The following SCAF11 variants were observed in gnomAD, a reference collection of about 807,000 sequenced individuals.
SCAF11 encodes SR-related CTD associated factor 11, also known as protein SCAF11.
In SCAF11, 47 loss-of-function variants were observed where a neutral mutation model predicts 140.5. The ratio of observed to expected loss-of-function variants is 0.33; its 90% CI spans 0.26 to 0.43. The LOEUF (loss-of-function observed/expected upper bound fraction) is 0.43. Ranked by LOEUF, SCAF11 falls within the 20% of genes least tolerant of loss-of-function variation. The pLI, the probability that SCAF11 is intolerant of heterozygous loss-of-function variation, is 1.00. For missense variants in SCAF11, 1,645 were observed against 1,705.1 expected (o/e 0.96, Z 0.62); for synonymous variants, 557 against 579.4 (o/e 0.96, Z 0.55).
intron 10 of SCAF11, 48 bp from the exon 11 acceptor site, chr12:45,928,907 A>C: frequency 8.3e-7 from 1 of 1,209,898 alleles, no homozygotes; most frequent in Non-Finnish European, 1.1e-6. Context: ...TGTTTTAAGA[A>C]ATAGTAATTT....
chr12:45,926,984 T>A lies in SCAF11; in HGVS notation c.2717A>T (p.Lys906Ile). 6.2e-7 allele frequency: 1 copy of A among 1,613,046 alleles called. No individual in the cohort carries two copies. Among genetic ancestry groups the A allele is most frequent in the Non-Finnish European group, 8.5e-7 (1 of 1,180,010 alleles). The stretch of plus-strand genomic sequence containing the variant: ...TCGTTCTCTGCTCTGGGACCTGGAT[T>A]TTTCTCCTGGGGAAGAATCTTTCAC... ...PRVKDSSPGE[K>I]SRSQSRERES... Residue 906 changes from lysine (K) to isoleucine (I), a missense_variant, in exon 11 of 15, where the codon AAA becomes ATA. By Grantham distance (102) the Lys-to-Ile change is moderately radical. Coordinates refer to ENST00000369367, the MANE Select transcript of SCAF11 (RefSeq NM_004719.3).
At chr12:45,991,872 G>A (rs561470381), upstream of SCAF11, 26 of 1,282,368 alleles carry the variant, frequency 2.0e-5, no homozygotes, top group African/African-American at 3.2e-4. Flanking sequence ...TCTGCTCCCC[G>A]CGCGCGGCTC....
chr12:45,965,050 TAAGAA>T (rs1003309824), intron 1 of SCAF11, among the ~76,000 whole-genome samples: 27 of 151,954 alleles, frequency 1.8e-4, no homozygotes, highest in African/African-American at 6.5e-4. Context: ...TGAGAGGTAA[TAAGAA>T]ATAAGCAGAG....
intron 1 of SCAF11, among the ~76,000 whole-genome samples, chr12:45,965,045 G>A (rs548144248): frequency 6.6e-6 from 1 of 152,158 alleles, no homozygotes; most frequent in Admixed American, 6.5e-5. Context: ...CACAGTGAGA[G>A]GTAATAAGAA....
rs1485241705 is a variant in SCAF11 at position 45,926,869 on chromosome 12, T to A, written c.2832A>T (p.Arg944Ser). 6.2e-7 allele frequency: 1 copy of A among 1,614,066 alleles called. No homozygotes were observed. Among genetic ancestry groups the A allele is most frequent in the Non-Finnish European group, 8.5e-7 (1 of 1,180,028 alleles). Residue 944 changes from arginine to serine, a missense_variant, in exon 11 of 15, where the codon AGA (arginine) becomes AGT (serine). Physicochemically the swap from Arg to Ser is moderately radical, Grantham distance 110. Around this residue, in one of 2 missense-constraint regions of SCAF11, gnomAD observed 1,582 missense variants for 1,609.2 expected, o/e 0.98. Transcript: ENST00000369367. ...ATGAACTCTTACTTTTTGTTCTACA[T>A]CTTGAGGGGGACCTAGAATGAGATC... is the stretch of plus-strand genomic sequence containing the variant. Reference protein sequence around the residue: ...RSRSHSRSPSRCRTKSKSSSF... With the variant: ...RSRSHSRSPSSCRTKSKSSSF...
chr12:45,930,330 T>C (rs917453137), intron 10 of SCAF11, among the ~76,000 whole-genome samples: 2 of 152,176 alleles, frequency 1.3e-5, no homozygotes, highest in South Asian at 2.1e-4. Flanking sequence ...CTAAACACTA[T>C]GAAAAATATG....
intron 10 of SCAF11, 70 bp downstream of exon 10, chr12:45,931,436 C>T (rs925370732): frequency 1.3e-6 from 1 of 769,526 alleles, no homozygotes; most frequent in South Asian, 3.3e-5. Flanking sequence ...ATCAAACACA[C>T]ATTTTTATGA....
chr12:45,960,896 T>A (rs1162751012), intron 3 of SCAF11: 3 of 154,916 alleles, frequency 1.9e-5, no homozygotes, highest in African/African-American at 7.2e-5. Flanking sequence ...TTATCTTCTT[T>A]ACTAATTTTT....
At chr12:45,962,742 ACTAAT>A (rs1007312827) in intron 2 of SCAF11, among the ~76,000 whole-genome samples, 3 of 152,198 alleles carry the variant, frequency 2.0e-5, no homozygotes, top group Admixed American at 6.5e-5. Flanking sequence ...AGGAAGGAAA[ACTAAT>A]CCTGATAGAC....
At chr12:45,926,104 A>G in intron 11 of SCAF11, 38 bp downstream of exon 11, 1 of 1,524,482 alleles carries the variant, frequency 6.6e-7, no homozygotes, top group South Asian at 1.3e-5. Flanking sequence ...TAATTCTTCA[A>G]ATAAAACAGT....
intron 12 of SCAF11, 132 bp from the exon 13 acceptor site, chr12:45,923,286 G>C: frequency 1.5e-6 from 1 of 687,618 alleles, no homozygotes; most frequent in East Asian, 2.7e-5. Flanking sequence ...GCATATTTCA[G>C]GTAATTATAT....
intron 3 of SCAF11, chr12:45,956,008 T>A: frequency 1.5e-6 from 1 of 676,170 alleles, no homozygotes; most frequent in South Asian, 1.6e-5. Context: ...ATCTTCCTAA[T>A]GATTTCAGTA....
At position 45,926,489 on chromosome 12, in the gene SCAF11, C is replaced by T. The variant is rs146183261; in HGVS notation, c.3212G>A (p.Arg1071His). 85 of 1,614,066 alleles carry T rather than the reference C, an allele frequency of 5.3e-5. No individual in the cohort carries two copies. Among genetic ancestry groups the T allele is most frequent in the South Asian group, 3.8e-4 (35 of 91,082 alleles). The part of the protein sequence containing the change: ...KNFGSGWVSN[R>H]GRGRGNRGRG... The stretch of plus-strand genomic sequence containing the variant: ...GCCACGGTTGCCTCTGCCTCTACCA[C>T]GGTTAGATACCCAACCAGAACCAAA... Residue 1071 changes from arginine (R) to histidine (H), a missense_variant, in exon 11 of 15, where the codon CGT becomes CAT. Transcript: ENST00000369367.
chr12:45,991,954 G>C (rs547240798), upstream of SCAF11: 1 of 1,289,276 alleles, frequency 7.8e-7, no homozygotes, highest in Non-Finnish European at 1.0e-6. Flanking sequence ...CTGTTCGCGC[G>C]TGCTGCGCTC....
In SCAF11 at chr12:45,956,978, GA is replaced by G. The variant is rs557778217; in HGVS notation, c.219+4721del. ...ACAGGGTGAAAATAGTGGTGGATCT[GA>G]AAAAATTAGCTACAAGTTAAAGTTC... is the stretch of plus-strand genomic sequence containing the variant. On this transcript the variant is annotated intron_variant, in intron 3 of 14. Coordinates refer to ENST00000369367, the MANE Select transcript of SCAF11 (RefSeq NM_004719.3). 1.1e-3 allele frequency among the ~76,000 whole-genome samples: 169 copies of G among 152,250 alleles called. 1 individual carries two copies. The highest frequency in any genetic ancestry group is 2.5e-3 in the Admixed American group (38 of 15,298).
At chr12:45,943,438 G>A (rs937460682) in intron 6 of SCAF11, among the ~76,000 whole-genome samples, 11 of 152,110 alleles carry the variant, frequency 7.2e-5, no homozygotes, top group African/African-American at 2.2e-4. Flanking sequence ...GAGAGCCCAC[G>A]CTCACCTAAC....
chr12:45,983,742 A>AACACACACACAC (rs55655357), intron 1 of SCAF11, among the ~76,000 whole-genome samples: 1,803 of 133,954 alleles, frequency 0.013, 32 homozygotes, highest in Non-Finnish European at 0.021. Flanking sequence ...CTAAACCTAA[A>AACACACACACAC]ACACACACAC....
intron 6 of SCAF11, among the ~76,000 whole-genome samples, chr12:45,935,892 GTTTCACAAA>G (rs1945162619): frequency 6.5e-5 from 5 of 77,282 alleles, no homozygotes; most frequent in African/African-American, 1.9e-4. Flanking sequence ...CCTGAAGATC[GTTTCACAAA>G]TCCACCCTAC....
intron 5 of SCAF11, among the ~76,000 whole-genome samples, chr12:45,946,604 T>C (rs1342675993): frequency 6.6e-6 from 1 of 151,718 alleles, no homozygotes; most frequent in East Asian, 2.0e-4. Flanking sequence ...CACTACACCC[T>C]TGGCAAGAGC....
Sources: allele counts gnomAD v4.1 joint callset (sites outside exome capture counted in the v4.1 genomes callset), GRCh38; gene constraint gnomAD v4.1.1; regional missense constraint gnomAD v4.1.1; transcripts MANE v1.5; gene names NCBI Gene and HGNC (gene_info 2026-07-23, HGNC 2026-07-21).